AGBL1: variants seen among roughly 807,000 people sequenced by gnomAD.
The protein encoded by AGBL1 is cytosolic carboxypeptidase 4.
A neutral mutation model predicts 118.9 loss-of-function variants in AGBL1; 130 were observed. The ratio of observed to expected loss-of-function variants is 1.09; its 90% confidence interval spans 0.95 to 1.26. The LOEUF (loss-of-function observed/expected upper bound fraction) is 1.26, where lower values mean the gene tolerates loss of function less well. Among genes scored for constraint, AGBL1 ranks in the 50% most tolerant of loss-of-function variants. The pLI, the probability that AGBL1 is intolerant of heterozygous loss-of-function variation, is 0.00. For synonymous variants in AGBL1, 555 were observed against 478.9 expected, an observed-to-expected ratio of 1.16 and a Z score of -2.08; for missense variants, 1,584 against 1,298.1, an observed-to-expected ratio of 1.22 and a Z score of -3.38.
chr15:86,152,562 C>G (rs540084361), intron 3 of AGBL1, among the ~76,000 whole-genome samples: 1 of 152,116 alleles, frequency 6.6e-6, no homozygotes, highest in Non-Finnish European at 1.5e-5. Flanking sequence ...CATAAAAACC[C>G]CAGAAGAAAA....
intron 17 of AGBL1, among the ~76,000 whole-genome samples, chr15:86,372,454 C>T (rs941570749): frequency 1.3e-5 from 2 of 152,162 alleles, no homozygotes; most frequent in African/African-American, 4.8e-5. Context: ...TTCTACCCAT[C>T]ATTTCCTCCC....
chr15:86,465,994 C>T (rs965331990), intron 18 of AGBL1, among the ~76,000 whole-genome samples: 13 of 152,174 alleles, frequency 8.5e-5, no homozygotes, highest in South Asian at 4.1e-4. Flanking sequence ...GGGGGCATCA[C>T]GGAACCTGCC....
intron 22 of AGBL1, among the ~76,000 whole-genome samples, chr15:86,689,741 T>C (rs1286726118): frequency 4.6e-5 from 7 of 152,180 alleles, no homozygotes; most frequent in Admixed American, 1.3e-4. Context: ...CCTTCCTGTA[T>C]AATGTGATAC....
chr15:86,574,587 T>C (rs1360042351), intron 21 of AGBL1, among the ~76,000 whole-genome samples: 15 of 143,540 alleles, frequency 1.0e-4, no homozygotes, highest in African/African-American at 4.0e-4. Context: ...TTTTTTTTTT[T>C]TTTTTTTGTG....
chr15:86,418,366 A>T (rs1179931871), intron 18 of AGBL1, among the ~76,000 whole-genome samples: 1 of 152,190 alleles, frequency 6.6e-6, no homozygotes, highest in Non-Finnish European at 1.5e-5. Context: ...TTCCTCACTG[A>T]AGGCCTGTTA....
intron 18 of AGBL1, among the ~76,000 whole-genome samples, chr15:86,496,669 G>A (rs1173103272): frequency 6.7e-6 from 1 of 149,654 alleles, no homozygotes; most frequent in South Asian, 2.1e-4. Flanking sequence ...TTTCCCTTTT[G>A]CCAGTTTGGA....
chr15:86,762,106 A>T (rs892836309), intron 22 of AGBL1, among the ~76,000 whole-genome samples: 4 of 152,082 alleles, frequency 2.6e-5, no homozygotes, highest in Non-Finnish European at 4.4e-5. Context: ...TCCTCAGCAA[A>T]CTAACACAGG....
intron 19 of AGBL1, among the ~76,000 whole-genome samples, chr15:86,533,293 T>G (rs991966666): frequency 3.9e-5 from 5 of 129,008 alleles, no homozygotes; most frequent in African/African-American, 1.6e-4. Flanking sequence ...AGTCAAAAAG[T>G]GGGCGAAGGA....
chr15:86,729,420 A>G (rs1478067771), intron 22 of AGBL1, among the ~76,000 whole-genome samples: 2 of 152,036 alleles, frequency 1.3e-5, no homozygotes, highest in African/African-American at 2.4e-5. Context: ...TAGTTTTTCA[A>G]CCTACCCTGC....
intron 22 of AGBL1, among the ~76,000 whole-genome samples, chr15:86,690,362 C>T (rs1343766702): frequency 6.6e-6 from 1 of 152,104 alleles, no homozygotes; most frequent in African/African-American, 2.4e-5. Flanking sequence ...TGAATTTATA[C>T]TTGGAATTGA....
chr15:86,646,388 T>C (rs991617810), intron 21 of AGBL1, among the ~76,000 whole-genome samples: 4 of 152,198 alleles, frequency 2.6e-5, no homozygotes, highest in African/African-American at 9.6e-5. Flanking sequence ...ACAGTCCTTC[T>C]CGAACTTGAG....
chr15:86,682,286 G>A (rs1220596013), intron 22 of AGBL1, among the ~76,000 whole-genome samples: 3 of 152,040 alleles, frequency 2.0e-5, no homozygotes, highest in Non-Finnish European at 4.4e-5. Flanking sequence ...TGAACTGATT[G>A]GCCAGAAGAA....
At chr15:86,678,226 T>C (rs1190587371) in intron 22 of AGBL1, among the ~76,000 whole-genome samples, 1 of 152,172 alleles carries the variant, frequency 6.6e-6, no homozygotes, top group East Asian at 1.9e-4. Flanking sequence ...TTTGAACTTA[T>C]TCCTAGGTTA....
At chr15:86,223,106 T>G (rs1469038816) in intron 5 of AGBL1, among the ~76,000 whole-genome samples, 2 of 152,184 alleles carry the variant, frequency 1.3e-5, no homozygotes, top group African/African-American at 2.4e-5. Flanking sequence ...TGCCACTTTT[T>G]GGGTTTAAGA....
intron 23 of AGBL1, chr15:86,939,190 A>G (rs2080714942): frequency 6.6e-6 from 1 of 152,412 alleles, no homozygotes; most frequent in African/African-American, 2.4e-5. Context: ...GGAGATTAAC[A>G]TTTGAGTCAA....
At chr15:86,756,408 T>C (rs1227982866) in intron 22 of AGBL1, among the ~76,000 whole-genome samples, 1 of 151,930 alleles carries the variant, frequency 6.6e-6, no homozygotes, top group African/African-American at 2.4e-5. Flanking sequence ...ACTCATCAGT[T>C]CATAAGATAG....
intron 1 of AGBL1, among the ~76,000 whole-genome samples, chr15:86,102,954 A>G (rs1896822622): frequency 6.6e-6 from 1 of 152,132 alleles, no homozygotes. Flanking sequence ...GAATATTTAA[A>G]TATTTGGCCA....
At position 86,328,022 on chromosome 15, in the gene AGBL1, CTCTT is replaced by C. The variant is rs533191524; in HGVS notation, c.2374+32619_2374+32622del. On this transcript the variant is annotated intron_variant, in intron 17 of 22. Coordinates refer to ENST00000614907, the MANE Select transcript of AGBL1 (RefSeq NM_001386094.1). ...GCTTTGTTTTTAAGCCTCTGTTTTCCTCTTTCTTAAAAATGAAGCTCATAATACA... is the reference window on the plus strand; with the variant it reads ...GCTTTGTTTTTAAGCCTCTGTTTTCCTCTTAAAAATGAAGCTCATAATACA... Among the ~76,000 whole-genome samples, 11 of 152,284 alleles carry C rather than the reference CTCTT, an allele frequency of 7.2e-5. No individual in the cohort carries two copies. In the East Asian group the frequency reaches 2.1e-3, roughly 29 times the overall value.
chr15:86,582,799 G>A (rs1161661341), intron 21 of AGBL1, among the ~76,000 whole-genome samples: 1 of 149,682 alleles, frequency 6.7e-6, no homozygotes, highest in Non-Finnish European at 1.5e-5. Context: ...CTCATAGGTG[G>A]GAATTGAACA....
Sources: gnomAD v4.1 joint callset for allele counts (sites outside exome capture counted in the v4.1 genomes callset) on GRCh38, gnomAD v4.1.1 for gene constraint, MANE v1.5 for transcripts, NCBI Gene and HGNC (gene_info 2026-07-23, HGNC 2026-07-21) for gene names.